Variants in FBLN5 observed in about 807,000 individuals in gnomAD.
FBLN5 encodes the protein fibulin-5.
Under a neutral mutation model 61.6 loss-of-function variants are expected in FBLN5, and 24 were observed. The ratio of observed to expected loss-of-function variants is 0.39; its 90% CI spans 0.28 to 0.55. FBLN5 has a LOEUF of 0.55. FBLN5 is among the 20% of genes least tolerant of loss of function. The pLI, the probability that FBLN5 is intolerant of heterozygous loss-of-function variation, is 0.65. For missense variants in FBLN5, 470 were observed against 594.1 expected, an observed-to-expected ratio of 0.79 and a Z score of 2.17; for synonymous variants, 213 against 219.8, an observed-to-expected ratio of 0.97 and a Z score of 0.27.
At position 91,943,854 on chromosome 14, in the gene FBLN5, A is replaced by ACT. The variant is rs1329978499; in HGVS notation, c.18-895_18-894dup. On this transcript the variant is annotated intron_variant, in intron 1 of 10. Transcript: ENST00000342058. This position sits in a 1 kb window ranked among gnomAD's most constrained non-coding sequence, Gnocchi z 4.0. ...CCAGCAGGTCCTGATGGAGGAAAGG[A>ACT]CTCGGGGAACCTGCACAGCCCAGGG... Among the ~76,000 whole-genome samples, 2 of 151,992 alleles carry ACT rather than the reference A, an allele frequency of 1.3e-5. No homozygotes were observed. The highest frequency in any genetic ancestry group is 2.1e-4 in the South Asian group (1 of 4,822).
rs533462521 is a variant in FBLN5 at position 91,881,510 on chromosome 14, C to G, written c.863-92G>C. 56 of 1,394,372 alleles carry G rather than the reference C, an allele frequency of 4.0e-5. No individual in the cohort carries two copies. In the Admixed American group the frequency reaches 7.0e-4, roughly 18 times the overall value. 86.4% of individuals were successfully genotyped at this position (1,394,372 alleles called of 1,614,324 possible). A position where few individuals can be genotyped will look rare whatever the true frequency, so the allele number is the denominator to read the frequency against. On this transcript the variant is annotated intron_variant, in intron 8 of 10. Transcript: ENST00000342058. ...GGGTAGGCTGGATCTTACTACAGAG[C>G]TGTACTATCCAATATGGCAGCAACA...
chr14:91,881,544 G>A, intron 8 of FBLN5, 126 bp from the exon 9 acceptor site: 1 of 998,182 alleles, frequency 1.0e-6, no homozygotes, highest in Non-Finnish European at 1.6e-6. Context: ...CAGGCCATAT[G>A]TGGCTACTGA....
chr14:91,923,340 C>A (rs1347957289), intron 4 of FBLN5, among the ~76,000 whole-genome samples: 1 of 152,214 alleles, frequency 6.6e-6, no homozygotes, highest in Non-Finnish European at 1.5e-5. Flanking sequence ...ATTCAAGGCC[C>A]CACAATCTGG....
intron 5 of FBLN5, 76 bp from the exon 6 acceptor site, chr14:91,891,413 C>T: frequency 4.3e-6 from 4 of 931,244 alleles, no homozygotes; most frequent in Non-Finnish European, 7.2e-6. Context: ...GCATGATTGC[C>T]TTGCTCTTCC....
At chr14:91,915,686 CAAAAAAAAAAAA>C (rs34675184) in intron 4 of FBLN5, among the ~76,000 whole-genome samples, 68 of 43,744 alleles carry the variant, frequency 1.6e-3, no homozygotes, top group Non-Finnish European at 2.3e-3. Context: ...GACTCCATCT[CAAAAAAAAAAAA>C]AAAAAAAAAA....
chr14:91,917,623 C>G (rs1286649398), intron 4 of FBLN5, among the ~76,000 whole-genome samples: 2 of 142,628 alleles, frequency 1.4e-5, no homozygotes, highest in African/African-American at 5.2e-5. Flanking sequence ...AAACAAAATA[C>G]GTTTAGGTAG....
At chr14:91,881,495 G>C in intron 8 of FBLN5, 77 bp from the exon 9 acceptor site, 1 of 1,522,924 alleles carries the variant, frequency 6.6e-7, no homozygotes, top group East Asian at 2.3e-5. Context: ...GGGTAGGCTG[G>C]ATCTTACTAC....
At chr14:91,931,108 G>T (rs1015843176) in intron 4 of FBLN5, among the ~76,000 whole-genome samples, 11 of 152,170 alleles carry the variant, frequency 7.2e-5, no homozygotes, top group Non-Finnish European at 1.3e-4. Flanking sequence ...TACAGATGAG[G>T]AAACCAACCC....
chr14:91,870,420 G>T, intron 10 of FBLN5, 35 bp from the exon 11 acceptor site: 1 of 1,611,334 alleles, frequency 6.2e-7, no homozygotes, highest in Non-Finnish European at 8.5e-7. Context: ...AGTGAGAAAA[G>T]GCCTGCATGG....
chr14:91,904,511 C>A (rs117980027), intron 4 of FBLN5, among the ~76,000 whole-genome samples: 40 of 152,336 alleles, frequency 2.6e-4, no homozygotes, highest in Non-Finnish European at 5.0e-4. Flanking sequence ...AAATACTATG[C>A]GTGTCTTAGT....
intron 5 of FBLN5, among the ~76,000 whole-genome samples, chr14:91,892,802 ACAGTG>A (rs1223453212): frequency 6.6e-6 from 1 of 152,200 alleles, no homozygotes; most frequent in Non-Finnish European, 1.5e-5. Context: ...CACAGAACAG[ACAGTG>A]TGTGGCTATG....
chr14:91,946,796 G>A, intron 1 of FBLN5: 10 of 1,535,754 alleles, frequency 6.5e-6, no homozygotes, highest in Non-Finnish European at 8.7e-6. Context: ...ATCCAGCCCC[G>A]CGGTGTTCAG....
At chr14:91,909,202 C>T (rs756415746) in intron 4 of FBLN5, among the ~76,000 whole-genome samples, 1 of 152,144 alleles carries the variant, frequency 6.6e-6, no homozygotes, top group Non-Finnish European at 1.5e-5. Context: ...CAGGTGTGAG[C>T]CACCGCGCCC....
At chr14:91,926,699 C>T (rs2055834965) in intron 4 of FBLN5, among the ~76,000 whole-genome samples, 1 of 151,952 alleles carries the variant, frequency 6.6e-6, no homozygotes, top group South Asian at 2.1e-4. Flanking sequence ...GACCCTATGA[C>T]TGGCAGGGAC....
At chr14:91,941,191 A>G (rs2056099282) in intron 2 of FBLN5, among the ~76,000 whole-genome samples, 1 of 152,072 alleles carries the variant, frequency 6.6e-6, no homozygotes, top group Non-Finnish European at 1.5e-5. Flanking sequence ...CCCCCATGAA[A>G]TCCTCTACCT....
chr14:91,897,940 C>T (rs780238789), intron 4 of FBLN5, among the ~76,000 whole-genome samples: 1 of 152,034 alleles, frequency 6.6e-6, no homozygotes, highest in Non-Finnish European at 1.5e-5. Context: ...GTCCCAGCTA[C>T]TCAGGAAGCT....
chr14:91,876,405 C>T lies in FBLN5; in HGVS notation c.1185+1082G>A, dbSNP rs180689788. 2.0e-5 allele frequency among the ~76,000 whole-genome samples: 3 copies of T among 152,290 alleles called. No homozygotes were observed. The East Asian group carries it at 5.8e-4, about 29-fold the overall frequency. On this transcript the variant is annotated intron_variant, in intron 10 of 10. Transcript: ENST00000342058. Reference sequence around the variant, plus strand: ...AATGCAGATTCCTGGGTGCAGTATGCTGGGTAGTAGCCCCCAAAAAGATGC... The same window carrying T: ...AATGCAGATTCCTGGGTGCAGTATGTTGGGTAGTAGCCCCCAAAAAGATGC...
chr14:91,888,547 T>C lies in FBLN5; in HGVS notation c.620-1235A>G, dbSNP rs933108146. Among the ~76,000 whole-genome samples the C allele has an allele frequency of 1.0e-4, 15 of 150,278 alleles. 2 individuals are homozygous for C. In the East Asian group the frequency reaches 2.9e-3, roughly 29 times the overall value. On this transcript the variant is annotated intron_variant, in intron 6 of 10. Transcript: ENST00000342058. The stretch of plus-strand genomic sequence containing the variant: ...TCGCTTGAACCCCAGAGGCAGAGGT[T>C]GCAGTGAGCTGAGATCACGCCACTG...
At chr14:91,920,117 G>A (rs1414957349) in intron 4 of FBLN5, among the ~76,000 whole-genome samples, 1 of 152,154 alleles carries the variant, frequency 6.6e-6, no homozygotes, top group Admixed American at 6.5e-5. Context: ...ATGCAATCCT[G>A]GCAAGCCTTC....
Sources: gnomAD v4.1 joint callset for allele counts (sites outside exome capture counted in the v4.1 genomes callset) on GRCh38, gnomAD v4.1.1 for gene constraint, Gnocchi (gnomAD v3.1) non-coding constraint, MANE v1.5 for transcripts, NCBI Gene and HGNC (gene_info 2026-07-23, HGNC 2026-07-21) for gene names.